Variants in ERC1 observed in about 807,000 individuals in gnomAD.
ERC1 encodes the protein RAB6 interacting protein 2.
A neutral mutation model predicts 132.0 loss-of-function variants in ERC1; 56 were observed. That is an observed-to-expected ratio of 0.42 (90% CI 0.34 to 0.53). The LOEUF is 0.53. Ranked by LOEUF, ERC1 falls within the 20% of genes least tolerant of loss-of-function variation. The pLI, the probability that ERC1 is intolerant of heterozygous loss-of-function variation, is 0.03. For synonymous variants in ERC1, 478 were observed against 476.1 expected, an observed-to-expected ratio of 1.00 and a Z score of -0.05; for missense variants, 1,202 against 1,349.9, an observed-to-expected ratio of 0.89 and a Z score of 1.72.
In ERC1 at chr12:1,219,866, C is replaced by T. The variant is rs917285272; in HGVS notation, c.2352-16903C>T. 9.2e-5 allele frequency among the ~76,000 whole-genome samples: 14 copies of T among 152,030 alleles called. 1 individual carries two copies. The highest frequency in any genetic ancestry group is 7.2e-4 in the Admixed American group (11 of 15,272). ...AGCAGGGAGTACAGGCATGAGCCAC[C>T]GCACCTGGCCTGAACTGAACTCTTA... On this transcript the variant is annotated intron_variant, in intron 12 of 18. Transcript: ENST00000360905.
At chr12:1,065,582 A>T (rs1939002787) in intron 2 of ERC1, among the ~76,000 whole-genome samples, 2 of 68,302 alleles carry the variant, frequency 2.9e-5, no homozygotes, top group Non-Finnish European at 2.8e-5. Context: ...CATTTCAGAG[A>T]TTTCTTTTTT....
intron 13 of ERC1, among the ~76,000 whole-genome samples, chr12:1,260,731 T>G (rs1292386933): frequency 1.6e-4 from 24 of 152,246 alleles, no homozygotes; most frequent in Admixed American, 1.6e-3. Context: ...ATTTGCCGTC[T>G]TCTTTCTCTT....
intron 13 of ERC1, among the ~76,000 whole-genome samples, chr12:1,237,797 C>G (rs2075523739): frequency 6.6e-6 from 1 of 152,170 alleles, no homozygotes; most frequent in Admixed American, 6.5e-5. Context: ...GTGCTGGAGT[C>G]TCTGAAAGCC....
At chr12:1,129,451 A>G (rs996726841) in intron 7 of ERC1, among the ~76,000 whole-genome samples, 2 of 152,216 alleles carry the variant, frequency 1.3e-5, no homozygotes, top group Admixed American at 6.5e-5. Flanking sequence ...ACCTTAGCTA[A>G]GGGCTTCAGG....
At chr12:1,158,607 CTT>C (rs10713768) in intron 8 of ERC1, among the ~76,000 whole-genome samples, 59 of 134,414 alleles carry the variant, frequency 4.4e-4, no homozygotes, top group Admixed American at 6.7e-4. Context: ...TTTTTCTTTT[CTT>C]TTTTTTTTTT....
chr12:1,191,805 G>T (rs1012057625), intron 12 of ERC1, among the ~76,000 whole-genome samples: 2 of 150,812 alleles, frequency 1.3e-5, no homozygotes, highest in Non-Finnish European at 2.9e-5. Context: ...TGGCCCTATT[G>T]CATTATAATT....
chr12:1,416,642 A>T (rs913984454), intron 17 of ERC1, among the ~76,000 whole-genome samples: 2 of 152,216 alleles, frequency 1.3e-5, no homozygotes, highest in African/African-American at 4.8e-5. Context: ...CTGTCTTCTA[A>T]GTTGATTGTC....
At chr12:1,080,416 C>T (rs570169098) in intron 2 of ERC1, among the ~76,000 whole-genome samples, 2 of 152,292 alleles carry the variant, frequency 1.3e-5, no homozygotes, top group African/African-American at 2.4e-5. Context: ...CTTAGCACAA[C>T]GTCTTGAAGG....
intron 12 of ERC1, among the ~76,000 whole-genome samples, chr12:1,193,253 T>C (rs1955905036): frequency 6.6e-6 from 1 of 152,170 alleles, no homozygotes; most frequent in Non-Finnish European, 1.5e-5. Flanking sequence ...TGATTTAGTG[T>C]TGTCCTACTC....
chr12:998,735 A>G (rs1961479999), intron 1 of ERC1, among the ~76,000 whole-genome samples: 1 of 152,072 alleles, frequency 6.6e-6, no homozygotes, highest in Non-Finnish European at 1.5e-5. Flanking sequence ...ACTGTCTACC[A>G]CAGCAGCATT....
chr12:1,428,677 C>A (rs1330233374), intron 17 of ERC1, among the ~76,000 whole-genome samples: 2 of 152,180 alleles, frequency 1.3e-5, no homozygotes, highest in South Asian at 2.1e-4. Flanking sequence ...TATTAAACAG[C>A]AGACCCTTTA....
chr12:1,378,390 A>G (rs942546662), intron 16 of ERC1, among the ~76,000 whole-genome samples: 88 of 152,224 alleles, frequency 5.8e-4, no homozygotes, highest in African/African-American at 2.1e-3. Flanking sequence ...GTGAAGACGT[A>G]CTAATAATCT....
chr12:1,212,060 ACT>A (rs1957931912), intron 12 of ERC1, among the ~76,000 whole-genome samples: 1 of 151,850 alleles, frequency 6.6e-6, no homozygotes, highest in African/African-American at 2.4e-5. Flanking sequence ...CCTCCTGTCC[ACT>A]CTCATTATGT....
chr12:1,333,431 C>T (rs931162335), intron 15 of ERC1, among the ~76,000 whole-genome samples: 1 of 146,654 alleles, frequency 6.8e-6, no homozygotes, highest in Non-Finnish European at 1.5e-5. Flanking sequence ...CTCCCAGGTT[C>T]AAGCGATTCT....
intron 2 of ERC1, among the ~76,000 whole-genome samples, chr12:1,075,724 CG>C (rs1284589173): frequency 4.6e-5 from 7 of 150,690 alleles, no homozygotes; most frequent in Admixed American, 6.6e-5. Context: ...AAGACTGTCT[CG>C]GGGGAAAAGA....
intron 7 of ERC1, among the ~76,000 whole-genome samples, chr12:1,129,685 G>T (rs928529930): frequency 1.3e-5 from 2 of 152,150 alleles, no homozygotes; most frequent in African/African-American, 2.4e-5. Context: ...TCAGAATTCT[G>T]TACCAAGCTG....
At chr12:1,080,720 C>T (rs1766425808) in intron 2 of ERC1, among the ~76,000 whole-genome samples, 1 of 152,062 alleles carries the variant, frequency 6.6e-6, no homozygotes, top group South Asian at 2.1e-4. Flanking sequence ...GTAAGAAGTG[C>T]CTTTTGCCTC....
rs545797001 is a variant in ERC1 at position 1,237,885 on chromosome 12, C to T, written c.2487+981C>T. Among the ~76,000 whole-genome samples the T allele has an allele frequency of 6.2e-4, 94 of 152,256 alleles. 1 individual carries two copies. Among genetic ancestry groups the T allele is most frequent in the African/African-American group, 2.1e-3 (88 of 41,544 alleles). On this transcript the variant is annotated intron_variant, in intron 13 of 18. Transcript: ENST00000360905. ...ATTGGGTCTGATACTGTGTATATGC[C>T]GCAATTACAATCTTTACTGGAGAGA...
intron 8 of ERC1, among the ~76,000 whole-genome samples, chr12:1,160,428 T>A (rs1332311268): frequency 1.3e-5 from 2 of 152,184 alleles, no homozygotes; most frequent in Non-Finnish European, 2.9e-5. Flanking sequence ...TGTTCTTCAA[T>A]AAGACCCTTA....
Sources: gnomAD v4.1 joint callset for allele counts (sites outside exome capture counted in the v4.1 genomes callset) on GRCh38, gnomAD v4.1.1 for gene constraint, MANE v1.5 for transcripts, NCBI Gene and HGNC (gene_info 2026-07-23, HGNC 2026-07-21) for gene names.